NCKAP5L: variants seen among roughly 807,000 people sequenced by gnomAD.
The protein encoded by NCKAP5L is NCK associated protein 5 like.
Under a neutral mutation model 103.2 loss-of-function variants are expected in NCKAP5L, and 54 were observed. The observed-to-expected ratio is 0.52, with a 90% CI of 0.42 to 0.66. The LOEUF (loss-of-function observed/expected upper bound fraction) is 0.66. Ranked by LOEUF, NCKAP5L falls within the 30% of genes least tolerant of loss-of-function variation. The pLI, the probability that NCKAP5L is intolerant of heterozygous loss-of-function variation, is 0.00. For missense variants in NCKAP5L, 1,733 were observed against 1,750.6 expected, an observed-to-expected ratio of 0.99 and a Z score of 0.18; for synonymous variants, 762 against 748.6, an observed-to-expected ratio of 1.02 and a Z score of -0.29.
chr12:49,798,220 G>A, intron 7 of NCKAP5L, 130 bp downstream of exon 7: 2 of 835,712 alleles, frequency 2.4e-6, no homozygotes, highest in South Asian at 1.5e-5. Flanking sequence ...TTGGGGATCT[G>A]CTTTTTTTGG....
chr12:49,809,444 C>T (rs1198894535), intron 1 of NCKAP5L, among the ~76,000 whole-genome samples: 4 of 152,132 alleles, frequency 2.6e-5, no homozygotes, highest in African/African-American at 9.7e-5. Flanking sequence ...CTGTTCCCCC[C>T]AGAGTCCTCT....
At position 49,793,722 on chromosome 12, in the gene NCKAP5L, C is replaced by A. The variant is rs1378284199; in HGVS notation, c.3258+12G>T. 7 of 1,541,160 alleles carry A rather than the reference C, an allele frequency of 4.5e-6. No homozygotes were observed. Among genetic ancestry groups the A allele is most frequent in the Non-Finnish European group, 6.1e-6 (7 of 1,143,578 alleles). ...CCAGGCCGTCCACCCAGTCCCTACC[C>A]CAAGAACTTACCTTTCCAGGAGGTT... On this transcript the variant is annotated intron_variant, in intron 9 of 12. Transcript: ENST00000335999.
intron 1 of NCKAP5L, among the ~76,000 whole-genome samples, chr12:49,827,367 G>C (rs1565599646): frequency 6.6e-6 from 1 of 152,234 alleles, no homozygotes; most frequent in Non-Finnish European, 1.5e-5. Context: ...AGGCCTTTAA[G>C]AAGTAGCAGC....
In NCKAP5L at chr12:49,792,096, T is replaced by G; in HGVS notation, c.3793-45A>C. 6.9e-7 allele frequency: 1 copy of G among 1,456,458 alleles called. No homozygotes were observed. The highest frequency in any genetic ancestry group is 9.1e-7 in the Non-Finnish European group (1 of 1,102,276). The allele number at this position is 1,456,458 out of a possible 1,614,324, so 90.2% of individuals were successfully genotyped here. ...TCGGGAGGAAGCTCCTCTCCACCTTTCGGCCCAGCCTCAGAGGCACTGAGC... is the reference window on the plus strand; with the variant it reads ...TCGGGAGGAAGCTCCTCTCCACCTTGCGGCCCAGCCTCAGAGGCACTGAGC... On this transcript the variant is annotated intron_variant, in intron 12 of 12. Coordinates refer to ENST00000335999, the MANE Select transcript of NCKAP5L (RefSeq NM_001037806.4). This position sits in a 1 kb window ranked among gnomAD's most constrained non-coding sequence, Gnocchi z 4.5.
chr12:49,796,137 G>T lies in NCKAP5L; in HGVS notation c.1723C>A (p.Pro575Thr). 6.2e-7 allele frequency: 1 copy of T among 1,611,594 alleles called. No homozygotes were observed. Among genetic ancestry groups the T allele is most frequent in the Non-Finnish European group, 8.5e-7 (1 of 1,179,126 alleles). The change falls in exon 8 of 13, where the codon CCT becomes ACT. Residue 575 changes from proline (P) to threonine (T), a missense_variant. Physicochemically the swap from Pro to Thr is conservative, Grantham distance 38. Coordinates refer to ENST00000335999, the MANE Select transcript of NCKAP5L (RefSeq NM_001037806.4). ...STFRGPSPEP[P>T]PSPLQVPTYP... is the part of the protein sequence containing the mutation. ...GTGGGCACCTGCAGTGGGGATGGAG[G>T]TGGCTCTGGGGAAGGCCCCCTAAAG... is the stretch of plus-strand genomic sequence containing the variant.
chr12:49,806,708 G>T (rs751943461), intron 1 of NCKAP5L, among the ~76,000 whole-genome samples: 3 of 152,244 alleles, frequency 2.0e-5, no homozygotes, highest in Non-Finnish European at 4.4e-5. Context: ...AAGCTTCACT[G>T]TAAGCTCCAC....
chr12:49,818,916 GCC>G (rs1181879078), intron 1 of NCKAP5L, among the ~76,000 whole-genome samples: 147 of 151,964 alleles, frequency 9.7e-4, no homozygotes, highest in Non-Finnish European at 1.6e-3. Flanking sequence ...CTTAAAATAG[GCC>G]AGACCCAGTG....
chr12:49,808,548 G>A (rs1452601223), intron 1 of NCKAP5L, among the ~76,000 whole-genome samples: 1 of 152,328 alleles, frequency 6.6e-6, no homozygotes, highest in Non-Finnish European at 1.5e-5. Context: ...CTTCTCTAGG[G>A]AAGGTCAAGA....
chr12:49,792,936 G>A lies in NCKAP5L; in HGVS notation c.3391C>T (p.Pro1131Ser). 1 of 1,558,556 alleles carries A rather than the reference G, an allele frequency of 6.4e-7. No homozygotes were observed. The highest frequency in any genetic ancestry group is 8.6e-7 in the Non-Finnish European group (1 of 1,160,122). Residue 1131 changes from proline to serine, a missense_variant, in exon 11 of 13, where the codon CCC becomes TCC. Transcript: ENST00000335999. The surrounding 1 kb of genome is among the most constrained non-coding windows in gnomAD (Gnocchi z 4.5). ...TLDSGIGTFP[P>S]PDHGSSGTPS... Reference sequence around the variant, plus strand: ...GTCCCACTGCTACCATGGTCTGGGGGTGGGAAGGTCCCAATGCCACTGTCC... The same window carrying A: ...GTCCCACTGCTACCATGGTCTGGGGATGGGAAGGTCCCAATGCCACTGTCC...
Position 49,795,130 on chromosome 12 carries a change from C to T in NCKAP5L, c.2730G>A (p.Lys910=), listed in dbSNP as rs781163319. The T allele has an allele frequency of 2.1e-5, 34 of 1,612,160 alleles. No homozygotes were observed. The South Asian group carries it at 3.6e-4, about 17-fold the overall frequency. ...TGGCGATGCTGCTGGTGTTGCGGTG[C>T]TTGACCTCGGCGCCAGGGGCTCGCT... ...GQERAPGAEV[K]HRNTSSIASW... The change falls in exon 8 of 13, where the codon AAG becomes AAA. Residue 910 remains lysine, a synonymous_variant. Transcript: ENST00000335999.
In NCKAP5L at chr12:49,794,613, A is replaced by ACCC. The variant is rs1027615398; in HGVS notation, c.3095+151_3095+152insGGG. On this transcript the variant is annotated intron_variant, in intron 8 of 12. Coordinates refer to ENST00000335999, the MANE Select transcript of NCKAP5L (RefSeq NM_001037806.4). ...TCCAGGCCAAGTCACTGACCCCCCC[A>ACCC]CCAGCTGCTTTGGTGGCCTTCTATC... Among the ~76,000 whole-genome samples, 40 of 68,104 alleles carry ACCC rather than the reference A, an allele frequency of 5.9e-4. 2 individuals are homozygous for ACCC. In the East Asian group the frequency reaches 0.01, roughly 18 times the overall value. 44.7% of individuals were successfully genotyped at this position (68,104 alleles called of 152,430 possible).
intron 10 of NCKAP5L, 77 bp from the exon 11 acceptor site, chr12:49,793,063 GC>G: frequency 8.3e-7 from 1 of 1,200,496 alleles, no homozygotes; most frequent in Non-Finnish European, 1.1e-6. Context: ...TTCCCGCCCA[GC>G]CCAGGCTCCA....
chr12:49,798,025 G>A (rs1320983293), intron 7 of NCKAP5L, among the ~76,000 whole-genome samples: 1 of 152,204 alleles, frequency 6.6e-6, no homozygotes, highest in East Asian at 1.9e-4. Context: ...AGTTATTTGA[G>A]CTCTAAGCTG....
At position 49,797,040 on chromosome 12, in the gene NCKAP5L, A is replaced by G. The variant is rs748214093; in HGVS notation, c.820T>C (p.Trp274Arg). ...TGAGGAGGTCCCCTGCTAGGACCCCAGGGCCGCCCAGTGTCCTCTTCCCCT... is the reference window on the plus strand; with the variant it reads ...TGAGGAGGTCCCCTGCTAGGACCCCGGGGCCGCCCAGTGTCCTCTTCCCCT... ...LGGEEDTGRP[W>R]GPSRGPPQAQ... The change falls in exon 8 of 13, where the codon TGG (tryptophan) becomes CGG (arginine). Residue 274 changes from tryptophan (W) to arginine (R), a missense_variant. Transcript: ENST00000335999. The surrounding 1 kb of genome is among the most constrained non-coding windows in gnomAD (Gnocchi z 4.5). 28 of 1,572,784 alleles carry G rather than the reference A, an allele frequency of 1.8e-5. No homozygotes were observed. The highest frequency in any genetic ancestry group is 1.3e-4 in the Admixed American group (7 of 53,530).
intron 1 of NCKAP5L, among the ~76,000 whole-genome samples, chr12:49,811,281 C>T (rs1354533942): frequency 6.6e-6 from 1 of 152,118 alleles, no homozygotes; most frequent in East Asian, 1.9e-4. Flanking sequence ...GGCAATCCTG[C>T]CCAGCTCAAG....
chr12:49,806,260 A>G (rs1436437357), intron 1 of NCKAP5L, among the ~76,000 whole-genome samples: 3 of 152,210 alleles, frequency 2.0e-5, no homozygotes, highest in Non-Finnish European at 4.4e-5. Context: ...AAATCCTGGA[A>G]TGGGAAAGCA....
intron 1 of NCKAP5L, among the ~76,000 whole-genome samples, chr12:49,816,336 G>C (rs1334385502): frequency 1.3e-5 from 2 of 151,886 alleles, no homozygotes; most frequent in Non-Finnish European, 2.9e-5. Context: ...TAGAAAGAAG[G>C]GACAGCTAAG....
rs1163941989 is a variant in NCKAP5L at position 49,816,495 on chromosome 12, C to CAAAAAAAAAAAAAAAA, written c.-98-10470_-98-10455dup. 6.1e-5 allele frequency among the ~76,000 whole-genome samples: 3 copies of CAAAAAAAAAAAAAAAA among 49,434 alleles called. 1 individual carries two copies. Among genetic ancestry groups the CAAAAAAAAAAAAAAAA allele is most frequent in the African/African-American group, 1.5e-4 (2 of 13,040 alleles). 32.4% of individuals were successfully genotyped at this position (49,434 alleles called of 152,430 possible). A position where few individuals can be genotyped will look rare whatever the true frequency, so the allele number is the denominator to read the frequency against. ...ACCCTTTCAAAGTTCTCAACCCTCT[C>CAAAAAAAAAAAAAAAA]AAAAAAAAAAAAAAAAAAAAAAGGC... On this transcript the variant is annotated intron_variant, in intron 1 of 12. Coordinates refer to ENST00000335999, the MANE Select transcript of NCKAP5L (RefSeq NM_001037806.4).
At chr12:49,823,732 T>G (rs1339177782) in intron 1 of NCKAP5L, among the ~76,000 whole-genome samples, 1 of 151,972 alleles carries the variant, frequency 6.6e-6, no homozygotes, top group Admixed American at 6.6e-5. Flanking sequence ...CTGACTGGGC[T>G]CTTCTCAGCA....
Sources: allele counts gnomAD v4.1 joint callset (sites outside exome capture counted in the v4.1 genomes callset), GRCh38; gene constraint gnomAD v4.1.1; non-coding constraint Gnocchi (gnomAD v3.1); transcripts MANE v1.5; gene names NCBI Gene and HGNC (gene_info 2026-07-23, HGNC 2026-07-21).